EPRS1: variants seen among roughly 807,000 people sequenced by gnomAD.
The protein encoded by EPRS1 is glutamyl-prolyl-tRNA synthetase 1.
In EPRS1, 107 loss-of-function variants were observed where a neutral mutation model predicts 188.3. That is an observed-to-expected ratio of 0.57 (90% CI 0.49 to 0.67). The LOEUF (loss-of-function observed/expected upper bound fraction) is 0.67, where lower values mean the gene tolerates loss of function less well. Ranked by LOEUF, EPRS1 falls within the 30% of genes least tolerant of loss-of-function variation. EPRS1 has a pLI of 0.00. For missense variants in EPRS1, 1,577 were observed against 1,802.2 expected, an observed-to-expected ratio of 0.88 and a Z score of 2.26; for synonymous variants, 596 against 593.1, an observed-to-expected ratio of 1.00 and a Z score of -0.07.
intron 18 of EPRS1, among the ~76,000 whole-genome samples, chr1:219,994,640 C>CTTTTTTTTTTTTTT (rs71169424): frequency 9.1e-6 from 1 of 109,500 alleles, no homozygotes; most frequent in Non-Finnish European, 1.8e-5. Context: ...GTAACTTCTT[C>CTTTTTTTTTTTTTT]TTTTTTTTTT....
At chr1:219,970,727 G>A (rs1300003954) in intron 30 of EPRS1, among the ~76,000 whole-genome samples, 2 of 148,370 alleles carry the variant, frequency 1.3e-5, no homozygotes, top group Non-Finnish European at 3.0e-5. Context: ...GCAGTGAGCC[G>A]AGATCACGGC....
At chr1:220,032,200 G>A (rs1007323548) in intron 5 of EPRS1, among the ~76,000 whole-genome samples, 187 bp downstream of exon 5, 6 of 150,140 alleles carry the variant, frequency 4.0e-5, no homozygotes, top group East Asian at 2.0e-4. Flanking sequence ...TCAGCCTCCC[G>A]AGTAGCTGGG....
At chr1:220,018,368 A>G (rs991639129) in intron 12 of EPRS1, 81 bp downstream of exon 12, 13 of 1,162,586 alleles carry the variant, frequency 1.1e-5, no homozygotes, top group Non-Finnish European at 1.7e-5. Context: ...TTTCTCTACC[A>G]TGAGCACAGT....
intron 16 of EPRS1, among the ~76,000 whole-genome samples, chr1:220,001,847 G>A (rs1030981389): frequency 5.9e-5 from 9 of 151,962 alleles, no homozygotes; most frequent in African/African-American, 1.7e-4. Context: ...TGGGCAACAC[G>A]GTGAAACCCC....
chr1:220,016,033 T>G (rs1449779522), intron 12 of EPRS1, among the ~76,000 whole-genome samples: 2 of 151,906 alleles, frequency 1.3e-5, no homozygotes, highest in African/African-American at 4.8e-5. Flanking sequence ...GGTGGGAAAT[T>G]TGCACATCTT....
At position 219,987,231 on chromosome 1, in the gene EPRS1, A is replaced by G. The variant is rs1455214803; in HGVS notation, c.2949T>C (p.Asp983=). ...EKQNKPQKQN[D]GQRKDPSKNQ... The stretch of plus-strand genomic sequence containing the variant: ...TTTTAGAAGGGTCTTTCCTTTGGCC[A>G]TCATTTTGTTTCTGAGGCTTATTCT... Residue 983 remains aspartate, a synonymous_variant, in exon 20 of 32, where the codon GAT becomes GAC. Transcript: ENST00000366923. 3.1e-6 allele frequency: 5 copies of G among 1,613,980 alleles called. No individual in the cohort carries two copies. The highest frequency in any genetic ancestry group is 1.3e-5 in the African/African-American group (1 of 74,920).
At chr1:220,032,219 C>A (rs1384013706) in intron 5 of EPRS1, among the ~76,000 whole-genome samples, 168 bp downstream of exon 5, 1 of 148,752 alleles carries the variant, frequency 6.7e-6, no homozygotes, top group Non-Finnish European at 1.5e-5. Context: ...GGACTACAGG[C>A]GCCCACCATC....
At chr1:220,006,740 T>C (rs1349059510) in intron 14 of EPRS1, among the ~76,000 whole-genome samples, 1 of 152,238 alleles carries the variant, frequency 6.6e-6, no homozygotes. Context: ...GTCTTAAGCA[T>C]ACTATGTTTC....
intron 16 of EPRS1, among the ~76,000 whole-genome samples, chr1:220,002,894 A>C (rs1386921003): frequency 6.6e-6 from 1 of 152,244 alleles, no homozygotes; most frequent in Non-Finnish European, 1.5e-5. Flanking sequence ...GTAATTAGCA[A>C]TAATCTATTG....
intron 6 of EPRS1, among the ~76,000 whole-genome samples, chr1:220,030,098 T>G (rs1172060891): frequency 6.6e-6 from 1 of 152,124 alleles, no homozygotes; most frequent in African/African-American, 2.4e-5. Flanking sequence ...AAAATGAAAT[T>G]TAAGGTTTCT....
chr1:219,983,190 T>G lies in EPRS1; in HGVS notation c.3299A>C (p.Glu1100Ala), dbSNP rs1381015699. 1 of 1,611,238 alleles carries G rather than the reference T, an allele frequency of 6.2e-7. No homozygotes were observed. Among genetic ancestry groups the G allele is most frequent in the South Asian group, 1.1e-5 (1 of 90,484 alleles). The change falls in exon 22 of 32, where the codon GAG (glutamate) becomes GCG (alanine). Residue 1100 changes from glutamate (E) to alanine (A), a missense_variant and splice_region_variant. Physicochemically the swap from Glu to Ala is moderately radical, Grantham distance 107. Coordinates refer to ENST00000366923, the MANE Select transcript of EPRS1 (RefSeq NM_004446.3). ...EKTHVADFAPEVAWVTRSGKT... is the reference protein window; with the variant it reads ...EKTHVADFAPAVAWVTRSGKT... The stretch of plus-strand genomic sequence containing the variant: ...AAATAAAAAAGCAAGCTCACTTACC[T>G]CTGGGGCAAAGTCAGCAACATGAGT...
intron 12 of EPRS1, among the ~76,000 whole-genome samples, chr1:220,015,384 AC>A (rs1330524572): frequency 6.6e-6 from 1 of 152,064 alleles, no homozygotes; most frequent in East Asian, 1.9e-4. Context: ...AATTGCTTGA[AC>A]CCAGGCAGCA....
chr1:219,978,305 A>T (rs1018739375), intron 28 of EPRS1, among the ~76,000 whole-genome samples: 3 of 152,188 alleles, frequency 2.0e-5, no homozygotes, highest in African/African-American at 7.2e-5. Context: ...AGCGCTCGAG[A>T]TCGTTTTTAT....
Position 220,005,338 on chromosome 1 carries a change from TC to T in EPRS1, c.1972del (p.Asp658IlefsTer7). ...TTTTTTCAAATCCTTAAGGCAGGGATCCCCTAGCATTAGCTCTTCATGCTGT... is the reference window on the plus strand; with the variant it reads ...TTTTTTCAAATCCTTAAGGCAGGGATCCCTAGCATTAGCTCTTCATGCTGT... ...NSKHEELMLG[D>X]PCLKDLKKGD... On this transcript the variant is annotated frameshift_variant, in exon 16 of 32. Transcript: ENST00000366923. LOFTEE classifies it high-confidence loss of function. 1 of 1,583,128 alleles carries T rather than the reference TC, an allele frequency of 6.3e-7. No individual in the cohort carries two copies. Among genetic ancestry groups the T allele is most frequent in the Non-Finnish European group, 8.6e-7 (1 of 1,160,870 alleles).
At chr1:219,976,603 T>C (rs1660786056) in intron 28 of EPRS1, among the ~76,000 whole-genome samples, 1 of 152,184 alleles carries the variant, frequency 6.6e-6, no homozygotes, top group Non-Finnish European at 1.5e-5. Context: ...AATTTAATTA[T>C]TTGTATTGGA....
At chr1:220,035,070 T>C (rs929557993) in intron 2 of EPRS1, 57 bp from the exon 3 acceptor site, 1 of 805,354 alleles carries the variant, frequency 1.2e-6, no homozygotes. Context: ...CAGTAAGTCA[T>C]GAGACTTATG....
chr1:220,034,005 GATTC>G (rs1281121820), intron 3 of EPRS1, among the ~76,000 whole-genome samples: 5 of 151,730 alleles, frequency 3.3e-5, no homozygotes, highest in African/African-American at 1.2e-4. Flanking sequence ...TAGCCAAACA[GATTC>G]ATTTACTTGA....
rs753930603 is a variant in EPRS1 at position 220,020,085 on chromosome 1, GT to G, written c.1251del (p.Lys417AsnfsTer10). ...YWIIEALGIR[K>X]PYIWEYSRLN... Reference sequence around the variant, plus strand: ...AGCCGACTATATTCCCAAATATATGGTTTTCTTATGCCTAAAGCTTCAATAA... The same window carrying G: ...AGCCGACTATATTCCCAAATATATGGTTTCTTATGCCTAAAGCTTCAATAA... On this transcript the variant is annotated frameshift_variant, in exon 10 of 32. Coordinates refer to ENST00000366923, the MANE Select transcript of EPRS1 (RefSeq NM_004446.3). LOFTEE classifies it high-confidence loss of function. The G allele has an allele frequency of 6.2e-7, 1 of 1,613,818 alleles. No homozygotes were observed. The highest frequency in any genetic ancestry group is 1.7e-5 in the Admixed American group (1 of 60,002).
chr1:219,997,678 C>A (rs1661263355), intron 17 of EPRS1, among the ~76,000 whole-genome samples: 1 of 152,292 alleles, frequency 6.6e-6, no homozygotes, highest in South Asian at 2.1e-4. Context: ...CACATACTCA[C>A]TGTGCAACTT....
Sources: gnomAD v4.1 joint callset for allele counts (sites outside exome capture counted in the v4.1 genomes callset) on GRCh38, gnomAD v4.1.1 for gene constraint, MANE v1.5 for transcripts, NCBI Gene and HGNC (gene_info 2026-07-23, HGNC 2026-07-21) for gene names.